The following EPM2A variants were observed in gnomAD, a reference collection of about 807,000 sequenced individuals.
EPM2A encodes EPM2A glucan phosphatase, laforin.
In EPM2A, 21 loss-of-function variants were observed where a neutral mutation model predicts 26.5. That is an observed-to-expected ratio of 0.79 (90% CI 0.56 to 1.14). EPM2A has a LOEUF of 1.14. Ranked by LOEUF, EPM2A falls within the 50% of genes most tolerant of loss-of-function variation. The pLI is 0.00. For missense variants in EPM2A, 458 were observed against 440.8 expected (o/e 1.04, Z -0.35); for synonymous variants, 217 against 177.6 (o/e 1.22, Z -1.76).
At chr6:145,670,971 A>G in intron 2 of EPM2A, 6 of 984,418 alleles carry the variant, frequency 6.1e-6, no homozygotes, top group Non-Finnish European at 7.2e-6. Flanking sequence ...TGATATGAAC[A>G]ATTGTAATCT....
At chr6:145,706,894 A>G (rs1177236922) in intron 1 of EPM2A, among the ~76,000 whole-genome samples, 3 of 152,182 alleles carry the variant, frequency 2.0e-5, no homozygotes, top group Non-Finnish European at 4.4e-5. Flanking sequence ...AATGATATTG[A>G]GGTAGGGACT....
chr6:145,482,174 A>C (rs1779617837), intron 4 of EPM2A, among the ~76,000 whole-genome samples: 1 of 152,178 alleles, frequency 6.6e-6, no homozygotes. Flanking sequence ...GCAAATGATA[A>C]TTTCAGATTC....
intron 2 of EPM2A, chr6:145,636,541 A>G (rs1264537118): frequency 6.6e-6 from 1 of 152,192 alleles, no homozygotes; most frequent in Non-Finnish European, 1.5e-5. Flanking sequence ...GAAGTTTTAG[A>G]AAGACAGTGG....
chr6:145,398,892 C>A (rs1778444251), intron 4 of EPM2A, among the ~76,000 whole-genome samples: 1 of 151,010 alleles, frequency 6.6e-6, no homozygotes, highest in Admixed American at 6.6e-5. Context: ...GAGACTTTCT[C>A]CAATGTTCCT....
intron 2 of EPM2A, among the ~76,000 whole-genome samples, chr6:145,511,417 G>A (rs951742751): frequency 6.6e-6 from 1 of 152,032 alleles, no homozygotes; most frequent in Non-Finnish European, 1.5e-5. Flanking sequence ...TCATCAAGTG[G>A]GCTTTATTCC....
chr6:145,527,016 G>T (rs1016058689), intron 2 of EPM2A, among the ~76,000 whole-genome samples: 7 of 151,704 alleles, frequency 4.6e-5, no homozygotes, highest in African/African-American at 1.5e-4. Flanking sequence ...ATGATTTTTT[G>T]ATTTCTGCCT....
At chr6:145,557,107 A>G (rs923344298) in intron 2 of EPM2A, among the ~76,000 whole-genome samples, 1 of 152,138 alleles carries the variant, frequency 6.6e-6, no homozygotes, top group African/African-American at 2.4e-5. Context: ...AGATCTCTAA[A>G]TATTCAAGCA....
At chr6:145,668,455 T>C (rs928646636) in intron 2 of EPM2A, among the ~76,000 whole-genome samples, 2 of 152,222 alleles carry the variant, frequency 1.3e-5, no homozygotes, top group African/African-American at 4.8e-5. Context: ...TCTAGACTTA[T>C]ATGGAATATA....
intron 4 of EPM2A, among the ~76,000 whole-genome samples, chr6:145,444,206 T>A (rs542883034): frequency 6.6e-6 from 1 of 152,330 alleles, no homozygotes; most frequent in Admixed American, 6.5e-5. Context: ...TTCCAGCTTT[T>A]GCCCATTCAG....
chr6:145,608,066 A>G (rs760670797), intron 2 of EPM2A, among the ~76,000 whole-genome samples: 49 of 152,146 alleles, frequency 3.2e-4, no homozygotes, highest in Non-Finnish European at 5.7e-4. Flanking sequence ...TGTTTTAATC[A>G]TCTATGGTCC....
At chr6:145,463,433 T>C (rs1236156294) in intron 4 of EPM2A, 5 of 152,100 alleles carry the variant, frequency 3.3e-5, no homozygotes, top group African/African-American at 9.7e-5. Context: ...ATGTAAGATA[T>C]ATACACATGC....
At chr6:145,405,917 C>T (rs10484701) in intron 4 of EPM2A, among the ~76,000 whole-genome samples, 16,735 of 151,682 alleles carry the variant, frequency 0.11, 970 homozygotes, top group South Asian at 0.17. Flanking sequence ...TTGAACTTGA[C>T]CATTCCTGAA....
chr6:145,575,187 G>A (rs1047251156), intron 2 of EPM2A, among the ~76,000 whole-genome samples: 1 of 152,158 alleles, frequency 6.6e-6, no homozygotes, highest in Non-Finnish European at 1.5e-5. Context: ...GGCAGCATGG[G>A]TTGGGGAGGG....
chr6:145,397,310 A>C (rs1254046675), intron 4 of EPM2A, among the ~76,000 whole-genome samples: 1 of 152,090 alleles, frequency 6.6e-6, no homozygotes, highest in African/African-American at 2.4e-5. Context: ...GCATGGTGGC[A>C]CATGCCTGTA....
rs540577431 is a variant in EPM2A, at chr6:145,625,816, T to C, written c.*1600A>G. 7.2e-5 allele frequency: 112 copies of C among 1,545,798 alleles called. No homozygotes were observed. The highest frequency in any genetic ancestry group is 5.0e-4 in the Middle Eastern group (3 of 5,980). On this transcript the variant is annotated 3_prime_UTR_variant, in exon 4 of 4. Coordinates refer to ENST00000367519, the MANE Select transcript of EPM2A (RefSeq NM_005670.4). Reference sequence around the variant, plus strand: ...ACTGAAACTTACCTTGTATCCTTCTTGTCCCCCACGCCTTCTAAATAAGAG... The same window carrying C: ...ACTGAAACTTACCTTGTATCCTTCTCGTCCCCCACGCCTTCTAAATAAGAG...
chr6:145,678,204 G>T (rs142062110), intron 2 of EPM2A, among the ~76,000 whole-genome samples: 1,647 of 152,316 alleles, frequency 0.011, 13 homozygotes, highest in Admixed American at 0.018. Flanking sequence ...AATAAATGGT[G>T]CTGGGAAAAC....
At chr6:145,439,043 T>C (rs1009805521) in intron 4 of EPM2A, among the ~76,000 whole-genome samples, 1 of 152,180 alleles carries the variant, frequency 6.6e-6, no homozygotes, top group African/African-American at 2.4e-5. Flanking sequence ...AGCTCCCACT[T>C]ACAAGTGAGA....
At chr6:145,705,824 G>C (rs1782191965) in intron 1 of EPM2A, 1 of 455,382 alleles carries the variant, frequency 2.2e-6, no homozygotes, top group Non-Finnish European at 4.4e-6. Flanking sequence ...GAGCAAAGAA[G>C]AACAATCTTC....
At chr6:145,474,434 C>T (rs935348191) in intron 4 of EPM2A, among the ~76,000 whole-genome samples, 12 of 152,094 alleles carry the variant, frequency 7.9e-5, no homozygotes, top group African/African-American at 1.2e-4. Context: ...TGCACTCCAA[C>T]CTGGGTGACA....
Sources: gnomAD v4.1 joint callset for allele counts (sites outside exome capture counted in the v4.1 genomes callset) on GRCh38, gnomAD v4.1.1 for gene constraint, MANE v1.5 for transcripts, NCBI Gene and HGNC (gene_info 2026-07-23, HGNC 2026-07-21) for gene names.